KIAA0232: variants seen among roughly 807,000 people sequenced by gnomAD.
The protein encoded by KIAA0232 is KIAA0232, also known as uncharacterized protein KIAA0232.
Under a neutral mutation model 122.0 loss-of-function variants are expected in KIAA0232, and 27 were observed. The ratio of observed to expected loss-of-function variants is 0.22; its 90% CI spans 0.16 to 0.31. The LOEUF is 0.31. Ranked by LOEUF, KIAA0232 falls within the 10% of genes least tolerant of loss-of-function variation. The probability of loss-of-function intolerance (pLI) is 1.00; values close to 1 mark genes in which losing one functional copy is unlikely to be tolerated. For missense variants in KIAA0232, 1,551 were observed against 1,634.2 expected, an observed-to-expected ratio of 0.95 and a Z score of 0.88; for synonymous variants, 613 against 587.6, an observed-to-expected ratio of 1.04 and a Z score of -0.63.
Position 6,844,933 on chromosome 4 carries a change from C to T in KIAA0232, c.369+2729C>T, listed in dbSNP as rs116864195. On this transcript the variant is annotated intron_variant, in intron 4 of 9. Coordinates refer to ENST00000307659, the MANE Select transcript of KIAA0232 (RefSeq NM_014743.3). ...CTGAAGCCAAGTGCTAAAAGTATAG[C>T]AGCCTCACGAGAGACCTGAACTGGG... Among the ~76,000 whole-genome samples the T allele has an allele frequency of 3.9e-5, 6 of 152,334 alleles. No individual in the cohort carries two copies. The East Asian group carries it at 1.2e-3, about 29-fold the overall frequency.
Position 6,820,139 on chromosome 4 carries a change from CTG to C in KIAA0232, c.-269-4044_-269-4043del, listed in dbSNP as rs914941045. 4.9e-4 allele frequency among the ~76,000 whole-genome samples: 75 copies of C among 152,204 alleles called. 1 individual carries two copies. The Middle Eastern group carries it at 0.01, about 21-fold the overall frequency. On this transcript the variant is annotated intron_variant, in intron 2 of 9. Transcript: ENST00000307659. Reference sequence around the variant, plus strand: ...AGGCAGTAGGTGTTGAAAAAACTAACTGTTGGGTACTGTACTCAGTACCTGGG... The same window carrying C: ...AGGCAGTAGGTGTTGAAAAAACTAACTTGGGTACTGTACTCAGTACCTGGG...
chr4:6,853,593 A>G (rs917438766), intron 4 of KIAA0232, among the ~76,000 whole-genome samples: 6 of 152,196 alleles, frequency 3.9e-5, no homozygotes, highest in Non-Finnish European at 5.9e-5. Context: ...TAGTGATCAC[A>G]CTATGGCGGC....
rs749054027 is a variant in KIAA0232, at chr4:6,863,160, C to A, written c.2778C>A (p.Asn926Lys). ...GGGATGTAGCCCAAGATAAAGAAAA[C>A]ACATTCATTCTTGGAGGAGTTTATG... ...KPWDVAQDKE[N>K]TFILGGVYGE... Residue 926 changes from asparagine (N) to lysine (K), a missense_variant, in exon 7 of 10, where the codon AAC becomes AAA. Physicochemically the swap from Asn to Lys is moderately conservative, Grantham distance 94. Transcript: ENST00000307659. The A allele has an allele frequency of 1.9e-6, 3 of 1,614,146 alleles. No homozygotes were observed. The highest frequency in any genetic ancestry group is 2.5e-6 in the Non-Finnish European group (3 of 1,180,020).
At chr4:6,831,597 A>G (rs934687341) in intron 3 of KIAA0232, among the ~76,000 whole-genome samples, 18 of 152,236 alleles carry the variant, frequency 1.2e-4, no homozygotes, top group Non-Finnish European at 2.2e-4. Context: ...ATGCATACAG[A>G]AAAATGTACA....
chr4:6,787,638 A>G (rs1300049025), intron 1 of KIAA0232, among the ~76,000 whole-genome samples: 1 of 151,746 alleles, frequency 6.6e-6, no homozygotes, highest in Non-Finnish European at 1.5e-5. Flanking sequence ...CTTTTTCTTT[A>G]CTCTTTCATG....
chr4:6,847,918 T>A (rs1720053992), intron 4 of KIAA0232, among the ~76,000 whole-genome samples: 1 of 152,106 alleles, frequency 6.6e-6, no homozygotes, highest in Non-Finnish European at 1.5e-5. Context: ...TAAAACTGAA[T>A]CAAAGCTAGT....
chr4:6,861,106 A>T lies in KIAA0232; in HGVS notation c.724A>T (p.Thr242Ser), dbSNP rs1720827748. ...GGAAAGAAGCAGTGAAGTACCCACCACTGTGCATGAGAAAACCCAGAGCAA... is the reference window on the plus strand; with the variant it reads ...GGAAAGAAGCAGTGAAGTACCCACCTCTGTGCATGAGAAAACCCAGAGCAA... ...TKERSSEVPT[T>S]VHEKTQSKSK... is the part of the protein sequence containing the mutation. Residue 242 changes from threonine to serine, a missense_variant, in exon 7 of 10, where the codon ACT (threonine) becomes TCT (serine). Thr to Ser is a moderately conservative substitution (Grantham distance 58). This residue lies in a region of KIAA0232 where 377 missense variants were observed against 381.7 expected (regional missense o/e 0.99). Coordinates refer to ENST00000307659, the MANE Select transcript of KIAA0232 (RefSeq NM_014743.3). 6.2e-7 allele frequency: 1 copy of T among 1,614,220 alleles called. No individual in the cohort carries two copies. The highest frequency in any genetic ancestry group is 2.2e-5 in the East Asian group (1 of 44,894).
At chr4:6,814,501 TA>T (rs1178376474) in intron 2 of KIAA0232, among the ~76,000 whole-genome samples, 2 of 152,254 alleles carry the variant, frequency 1.3e-5, no homozygotes, top group East Asian at 3.9e-4. Flanking sequence ...ACTAAGCATA[TA>T]AAAACAATTT....
At chr4:6,830,060 ACAGAAAACC>A (rs796407828) in intron 3 of KIAA0232, among the ~76,000 whole-genome samples, 2 of 152,232 alleles carry the variant, frequency 1.3e-5, no homozygotes, top group South Asian at 4.1e-4. Context: ...TGTGATGATA[ACAGAAAACC>A]CAGCTCAATC....
intron 2 of KIAA0232, among the ~76,000 whole-genome samples, chr4:6,815,540 A>G (rs755265159): frequency 1.3e-5 from 2 of 152,176 alleles, no homozygotes; most frequent in African/African-American, 4.8e-5. Flanking sequence ...CTCCAAGAAC[A>G]TTTAGATCTG....
intron 2 of KIAA0232, among the ~76,000 whole-genome samples, chr4:6,822,290 A>G (rs183637838): frequency 1.3e-5 from 2 of 152,340 alleles, no homozygotes; most frequent in East Asian, 1.9e-4. Context: ...TTTTAAAAGT[A>G]GCAAAACATG....
intron 2 of KIAA0232, among the ~76,000 whole-genome samples, chr4:6,807,472 T>A (rs1325017148): frequency 6.6e-6 from 1 of 152,240 alleles, no homozygotes; most frequent in African/African-American, 2.4e-5. Flanking sequence ...AGTCTCACAC[T>A]AGTTTTGTTG....
chr4:6,812,728 G>T (rs1257926508), intron 2 of KIAA0232, among the ~76,000 whole-genome samples: 1 of 151,968 alleles, frequency 6.6e-6, no homozygotes, highest in Non-Finnish European at 1.5e-5. Context: ...GAATAGAGCT[G>T]CCCAGATTTT....
In KIAA0232 at chr4:6,881,841, A is replaced by G. The variant is rs531600336; in HGVS notation, c.*875A>G. 3.3e-5 allele frequency: 5 copies of G among 152,784 alleles called. No individual in the cohort carries two copies. In the South Asian group the frequency reaches 1.0e-3, roughly 32 times the overall value. 9.5% of individuals were successfully genotyped at this position (152,784 alleles called of 1,614,324 possible). On this transcript the variant is annotated 3_prime_UTR_variant, in exon 10 of 10. Transcript: ENST00000307659. ...TGAATTGAAACCCCCAAAACTTGAA[A>G]TTGTGAACATTTGACATGCAGTAAA...
rs775521231 is a variant in KIAA0232, at chr4:6,862,945, G to A, written c.2563G>A (p.Val855Ile). The A allele has an allele frequency of 3.1e-6, 5 of 1,614,198 alleles. No homozygotes were observed. Among genetic ancestry groups the A allele is most frequent in the Admixed American group, 1.7e-5 (1 of 60,020 alleles). Residue 855 changes from valine (V) to isoleucine (I), a missense_variant, in exon 7 of 10, where the codon GTA becomes ATA. Val to Ile is a conservative substitution (Grantham distance 29). This residue lies in a region of KIAA0232 where 1,108 missense variants were observed against 1,154.8 expected (regional missense o/e 0.96). Transcript: ENST00000307659. ...TGATGCTGAGTTGTTTTCGGCAGATGTAAATAACTACTGCTGCTGTCTAGA... is the reference window on the plus strand; with the variant it reads ...TGATGCTGAGTTGTTTTCGGCAGATATAAATAACTACTGCTGCTGTCTAGA... Reference protein sequence around the residue: ...RTDAELFSADVNNYCCCLDAE... With the variant: ...RTDAELFSADINNYCCCLDAE...
intron 3 of KIAA0232, 39 bp downstream of exon 3, chr4:6,824,723 T>TATACATACAGATACA: frequency 6.6e-7 from 1 of 1,518,276 alleles, no homozygotes; most frequent in Non-Finnish European, 9.1e-7. Context: ...AAACTGATTG[T>TATACATACAGATACA]ATCTGTATGT....
intron 6 of KIAA0232, among the ~76,000 whole-genome samples, chr4:6,858,813 G>T (rs1246910926): frequency 6.6e-6 from 1 of 152,110 alleles, no homozygotes; most frequent in African/African-American, 2.4e-5. Flanking sequence ...ACAGCTGTGA[G>T]AAATTAGGAT....
rs750617409 is a variant in KIAA0232 at position 6,807,032 on chromosome 4, G to GTCTGTCTATCTATCTATCTATCTA, written c.-270+2429_-270+2430insGTCTATCTATCTATCTATCTATCT. Reference sequence around the variant, plus strand: ...GTTTTTCCTTTTTGTCTGTCTGTCTGTCTATCTATCTATCTATCTATCTAT... The same window carrying GTCTGTCTATCTATCTATCTATCTA: ...GTTTTTCCTTTTTGTCTGTCTGTCTGTCTGTCTATCTATCTATCTATCTATCTATCTATCTATCTATCTATCTAT... On this transcript the variant is annotated intron_variant, in intron 2 of 9. Transcript: ENST00000307659. 3.2e-4 allele frequency among the ~76,000 whole-genome samples: 47 copies of GTCTGTCTATCTATCTATCTATCTA among 145,860 alleles called. 1 individual carries two copies. The highest frequency in any genetic ancestry group is 1.0e-3 in the East Asian group (5 of 4,984).
At chr4:6,830,403 CTTTTTT>C (rs10714574) in intron 3 of KIAA0232, among the ~76,000 whole-genome samples, 5 of 75,526 alleles carry the variant, frequency 6.6e-5, no homozygotes, top group African/African-American at 2.4e-4. Flanking sequence ...TCTCTGTTGT[CTTTTTT>C]TTTTTTTTTT....
Sources: gnomAD v4.1 joint callset for allele counts (sites outside exome capture counted in the v4.1 genomes callset) on GRCh38, gnomAD v4.1.1 for gene constraint, gnomAD v4.1.1 regional missense constraint, MANE v1.5 for transcripts, NCBI Gene and HGNC (gene_info 2026-07-23, HGNC 2026-07-21) for gene names.